The following NFIB variants were observed in gnomAD, a reference collection of about 807,000 sequenced individuals.
NFIB encodes nuclear factor 1 B-type.
NFIB carries 11 observed loss-of-function variants against 61.5 expected under a neutral mutation model. The observed-to-expected ratio is 0.18, with a 90% confidence interval of 0.11 to 0.30. The LOEUF is 0.30. Among genes scored for constraint, NFIB ranks in the 10% least tolerant of loss-of-function variants. NFIB has a pLI of 1.00. For synonymous variants in NFIB, 260 were observed against 216.5 expected (o/e 1.20, Z -1.76); for missense variants, 471 against 608.9 (o/e 0.77, Z 2.38).
At chr9:14,321,417 G>T (rs1564007287) in intron 1 of NFIB, among the ~76,000 whole-genome samples, 1 of 152,118 alleles carries the variant, frequency 6.6e-6, no homozygotes, top group Non-Finnish European at 1.5e-5. Context: ...CTAAACTTTA[G>T]AATGAATACT....
At chr9:14,393,750 A>T (rs1588417267) in intron 1 of NFIB, among the ~76,000 whole-genome samples, 1 of 152,330 alleles carries the variant, frequency 6.6e-6, no homozygotes, top group Non-Finnish European at 1.5e-5. Context: ...GACCATTTCC[A>T]AGAACTGATA....
At chr9:14,200,798 G>A (rs78372376) in intron 2 of NFIB, among the ~76,000 whole-genome samples, 1 of 152,122 alleles carries the variant, frequency 6.6e-6, no homozygotes, top group East Asian at 1.9e-4. Flanking sequence ...ACTCAGCTAG[G>A]TCCATGTTTA....
intron 1 of NFIB, among the ~76,000 whole-genome samples, chr9:14,346,529 C>T (rs1213008621): frequency 6.6e-6 from 1 of 152,112 alleles, no homozygotes; most frequent in Non-Finnish European, 1.5e-5. Flanking sequence ...CACGCCACAC[C>T]GTCGGCGACG....
At chr9:14,451,060 C>T in the NFIB span, among the ~76,000 whole-genome samples, 2 of 152,226 alleles carry the variant, frequency 1.3e-5, no homozygotes, top group African/African-American at 4.8e-5. Flanking sequence ...GCTGGCACCA[C>T]ATTACCTCGG....
chr9:14,392,150 TG>T (rs1262056254), intron 1 of NFIB, among the ~76,000 whole-genome samples: 1 of 152,158 alleles, frequency 6.6e-6, no homozygotes, highest in Non-Finnish European at 1.5e-5. Context: ...TCTGAGAAAC[TG>T]CCACAGCCAA....
the NFIB span, among the ~76,000 whole-genome samples, chr9:14,525,944 T>A: frequency 6.6e-6 from 1 of 152,184 alleles, no homozygotes; most frequent in South Asian, 2.1e-4. Context: ...ATATGTGTCG[T>A]GGACCTTGTA....
intron 2 of NFIB, among the ~76,000 whole-genome samples, chr9:14,301,296 T>A (rs1042856483): frequency 6.6e-6 from 1 of 152,212 alleles, no homozygotes; most frequent in Non-Finnish European, 1.5e-5. Context: ...TCTCGAACAA[T>A]GCATATTATT....
At chr9:14,339,406 A>C (rs2060924084) in intron 1 of NFIB, among the ~76,000 whole-genome samples, 2 of 152,230 alleles carry the variant, frequency 1.3e-5, no homozygotes, top group Non-Finnish European at 2.9e-5. Flanking sequence ...CTTTGATAAA[A>C]GAATGGCTGA....
intron 2 of NFIB, among the ~76,000 whole-genome samples, chr9:14,202,692 A>G (rs2049182223): frequency 6.6e-6 from 1 of 152,208 alleles, no homozygotes; most frequent in Non-Finnish European, 1.5e-5. Flanking sequence ...CCATATGTGT[A>G]GTATTTTATA....
chr9:14,095,276 AATT>A (rs2034596271), intron 10 of NFIB, among the ~76,000 whole-genome samples: 1 of 152,176 alleles, frequency 6.6e-6, no homozygotes, highest in African/African-American at 2.4e-5. Context: ...AAAGATGAAA[AATT>A]ATTATGAAGA....
chr9:14,315,870 C>G (rs796366266), upstream of NFIB, among the ~76,000 whole-genome samples: 76 of 151,984 alleles, frequency 5.0e-4, no homozygotes, highest in African/African-American at 1.6e-3. Flanking sequence ...GTCTACCTAG[C>G]TGGGGGATCC....
intron 10 of NFIB, 114 bp from the exon 11 acceptor site, chr9:14,088,440 C>A (rs56268008): frequency 8.8e-7 from 1 of 1,137,406 alleles, no homozygotes; most frequent in African/African-American, 1.6e-5. Flanking sequence ...ATTGCTATCC[C>A]TATTTTCAAA....
At chr9:14,247,723 G>C (rs1029934708) in intron 2 of NFIB, among the ~76,000 whole-genome samples, 3 of 152,136 alleles carry the variant, frequency 2.0e-5, no homozygotes, top group Non-Finnish European at 4.4e-5. Flanking sequence ...ATAAAATACA[G>C]AAGTACATGG....
chr9:14,398,451 T>C (rs1231397023), intron 1 of NFIB: 3 of 1,132,498 alleles, frequency 2.6e-6, no homozygotes, highest in Non-Finnish European at 3.8e-6. Flanking sequence ...AACCCCACAC[T>C]GAGACACATT....
chr9:14,417,423 T>G, the NFIB span, among the ~76,000 whole-genome samples: 3 of 152,148 alleles, frequency 2.0e-5, no homozygotes, highest in African/African-American at 4.8e-5. Flanking sequence ...ATAATGAAAT[T>G]GCCTAATGAT....
intron 2 of NFIB, among the ~76,000 whole-genome samples, chr9:14,297,730 T>C (rs2059526938): frequency 6.6e-6 from 1 of 152,212 alleles, no homozygotes; most frequent in Non-Finnish European, 1.5e-5. Context: ...CTTCCTTTTT[T>C]CCTCTAATAA....
chr9:14,260,142 T>C (rs1314543567), intron 2 of NFIB, among the ~76,000 whole-genome samples: 2 of 151,786 alleles, frequency 1.3e-5, no homozygotes, highest in Non-Finnish European at 2.9e-5. Context: ...TAGAGAAGAG[T>C]CCAAGTGCAC....
the NFIB span, among the ~76,000 whole-genome samples, chr9:14,426,358 C>G: frequency 1.7e-4 from 26 of 152,280 alleles, 1 homozygote; most frequent in South Asian, 3.7e-3. Context: ...TCCCATGAGG[C>G]TTTTCTCATA....
intron 7 of NFIB, among the ~76,000 whole-genome samples, chr9:14,121,164 T>C (rs988064019): frequency 6.6e-6 from 1 of 152,264 alleles, no homozygotes; most frequent in East Asian, 1.9e-4. Flanking sequence ...CTTGGGAGCT[T>C]AAGGCAGGAG....
Sources: gnomAD v4.1 joint callset for allele counts (sites outside exome capture counted in the v4.1 genomes callset) on GRCh38, gnomAD v4.1.1 for gene constraint, MANE v1.5 for transcripts, NCBI Gene and HGNC (gene_info 2026-07-23, HGNC 2026-07-21) for gene names.